GPM6A: variants seen among roughly 807,000 people sequenced by gnomAD.
GPM6A encodes the protein neuronal membrane glycoprotein M6-a.
In GPM6A, 7 loss-of-function variants were observed where a neutral mutation model predicts 32.1. The ratio of observed to expected loss-of-function variants is 0.22; its 90% CI spans 0.12 to 0.41. The LOEUF is 0.41. Ranked by LOEUF, GPM6A falls within the 10% of genes least tolerant of loss-of-function variation. GPM6A has a pLI of 1.00. For synonymous variants in GPM6A, 130 were observed against 123.4 expected (o/e 1.05, Z -0.35); for missense variants, 235 against 347.2 (o/e 0.68, Z 2.57).
intron 1 of GPM6A, among the ~76,000 whole-genome samples, chr4:175,725,858 A>G (rs1746376450): frequency 6.6e-6 from 1 of 152,188 alleles, no homozygotes; most frequent in African/African-American, 2.4e-5. Flanking sequence ...ATTGGAGTAG[A>G]TGCAAACCAT....
At chr4:175,965,614 CTT>C (rs59648310) in intron 1 of GPM6A, among the ~76,000 whole-genome samples, 402 of 141,146 alleles carry the variant, frequency 2.8e-3, no homozygotes, top group African/African-American at 9.6e-3. Context: ...CTATTTCTCT[CTT>C]TTTTTTTTTT....
rs149053685 is a variant in GPM6A, at chr4:175,688,406, T to C, written c.230+13169A>G. ...GTAATATAAGCATTCAATTTCATCA[T>C]ATTGCATGTGGAGATCCGGTTTTTC... On this transcript the variant is annotated intron_variant, in intron 2 of 6. Coordinates refer to ENST00000393658, the MANE Select transcript of GPM6A (RefSeq NM_201591.3). Among the ~76,000 whole-genome samples, 4 of 152,338 alleles carry C rather than the reference T, an allele frequency of 2.6e-5. No individual in the cohort carries two copies. The East Asian group carries it at 7.7e-4, about 29-fold the overall frequency.
chr4:175,637,819 T>C (rs1416164521), intron 6 of GPM6A, among the ~76,000 whole-genome samples: 4 of 115,904 alleles, frequency 3.5e-5, no homozygotes, highest in Non-Finnish European at 5.0e-5. Context: ...TATTTATATA[T>C]TATATATAAA....
intron 1 of GPM6A, among the ~76,000 whole-genome samples, chr4:175,797,049 C>T (rs189311474): frequency 6.6e-6 from 1 of 152,092 alleles, no homozygotes; most frequent in East Asian, 1.9e-4. Flanking sequence ...TAAAAAAATA[C>T]TGGCAAATTT....
chr4:175,813,296 C>T (rs952466457), upstream of GPM6A, among the ~76,000 whole-genome samples: 2 of 152,162 alleles, frequency 1.3e-5, no homozygotes, highest in African/African-American at 4.8e-5. Context: ...AATCTGCAAG[C>T]TGATTTGGAA....
chr4:175,689,585 T>C (rs952127319), intron 2 of GPM6A, among the ~76,000 whole-genome samples: 1 of 152,212 alleles, frequency 6.6e-6, no homozygotes, highest in Admixed American at 6.5e-5. Flanking sequence ...GGAAAGAATA[T>C]GTACTCTACT....
chr4:175,787,645 A>C, intron 1 of GPM6A: 2 of 1,243,334 alleles, frequency 1.6e-6, no homozygotes, highest in Non-Finnish European at 2.0e-6. Flanking sequence ...TACTGACATA[A>C]CTCTTCCTAG....
At chr4:175,787,252 G>T in intron 1 of GPM6A, 2 of 769,358 alleles carry the variant, frequency 2.6e-6, no homozygotes, top group Non-Finnish European at 4.5e-6. Flanking sequence ...ATTTAATGAG[G>T]CATGCACTAC....
At chr4:175,953,667 C>T (rs1156307365) in intron 1 of GPM6A, among the ~76,000 whole-genome samples, 2 of 151,990 alleles carry the variant, frequency 1.3e-5, no homozygotes, top group African/African-American at 4.8e-5. Flanking sequence ...TTTGGGAGGC[C>T]GAGGTGGGCG....
intron 1 of GPM6A, among the ~76,000 whole-genome samples, chr4:175,952,339 C>T (rs1045541551): frequency 2.6e-5 from 4 of 152,094 alleles, no homozygotes; most frequent in Non-Finnish European, 5.9e-5. Flanking sequence ...GCTAGATGTC[C>T]AAGGAGTCTA....
chr4:175,638,528 T>A (rs1469456980), intron 6 of GPM6A, among the ~76,000 whole-genome samples: 1 of 152,132 alleles, frequency 6.6e-6, no homozygotes, highest in African/African-American at 2.4e-5. Context: ...ATACATAATA[T>A]ATAAATTTCT....
intron 3 of GPM6A, among the ~76,000 whole-genome samples, chr4:175,659,387 CT>C (rs1050500425): frequency 6.5e-4 from 99 of 151,974 alleles, no homozygotes; most frequent in African/African-American, 2.3e-3. Flanking sequence ...GCGGAGATAC[CT>C]TTTTTTAAAG....
chr4:175,983,135 T>C (rs149247253), intron 1 of GPM6A, among the ~76,000 whole-genome samples: 260 of 152,108 alleles, frequency 1.7e-3, no homozygotes, highest in African/African-American at 6.1e-3. Flanking sequence ...AGGGGAGAAT[T>C]TAAAGGACCA....
intron 1 of GPM6A, among the ~76,000 whole-genome samples, chr4:175,971,496 A>G (rs1740501090): frequency 6.6e-6 from 1 of 152,100 alleles, no homozygotes; most frequent in African/African-American, 2.4e-5. Flanking sequence ...AACACATTCA[A>G]CAGAATGACA....
At chr4:175,712,287 T>A (rs546029291) in intron 1 of GPM6A, among the ~76,000 whole-genome samples, 1 of 152,330 alleles carries the variant, frequency 6.6e-6, no homozygotes, top group Non-Finnish European at 1.5e-5. Flanking sequence ...CCTCCCTTCC[T>A]GTAGCTCTTA....
intron 2 of GPM6A, among the ~76,000 whole-genome samples, chr4:175,677,305 C>G (rs1048736259): frequency 2.0e-5 from 3 of 152,016 alleles, no homozygotes; most frequent in African/African-American, 7.2e-5. Flanking sequence ...TGTTTCGGTA[C>G]CATTTTGGGG....
At chr4:175,969,904 T>G (rs1740448777) in intron 1 of GPM6A, among the ~76,000 whole-genome samples, 1 of 152,196 alleles carries the variant, frequency 6.6e-6, no homozygotes, top group African/African-American at 2.4e-5. Context: ...TCTATTAATT[T>G]TTTAAAACCC....
chr4:175,649,502 T>C (rs998473550), intron 4 of GPM6A, among the ~76,000 whole-genome samples: 1 of 152,208 alleles, frequency 6.6e-6, no homozygotes, highest in Non-Finnish European at 1.5e-5. Context: ...TTTTTCAGTT[T>C]AGAATCTGGT....
chr4:175,779,493 G>A lies in GPM6A; in HGVS notation c.37+32698C>T, dbSNP rs896302291. 3.9e-5 allele frequency among the ~76,000 whole-genome samples: 6 copies of A among 152,072 alleles called. No homozygotes were observed. The East Asian group carries it at 5.8e-4, about 15-fold the overall frequency. On this transcript the variant is annotated intron_variant, in intron 1 of 6. Transcript: ENST00000393658. Reference sequence around the variant, plus strand: ...TCATGTGGTTTCCAGTTCAGTAAGCGGGTTTCGTATGGGGCAACATGAACA... The same window carrying A: ...TCATGTGGTTTCCAGTTCAGTAAGCAGGTTTCGTATGGGGCAACATGAACA...
Sources: allele counts gnomAD v4.1 joint callset (sites outside exome capture counted in the v4.1 genomes callset), GRCh38; gene constraint gnomAD v4.1.1; transcripts MANE v1.5; gene names NCBI Gene and HGNC (gene_info 2026-07-23, HGNC 2026-07-21).